LCA5: variants seen among roughly 807,000 people sequenced by gnomAD.
The protein encoded by LCA5 is lebercilin.
A neutral mutation model predicts 53.0 loss-of-function variants in LCA5; 37 were observed. The observed-to-expected ratio is 0.70, with a 90% CI of 0.54 to 0.92. The LOEUF is 0.92. Among genes scored for constraint, LCA5 ranks in the 40% least tolerant of loss-of-function variants. The pLI is 0.00. For synonymous variants in LCA5, 303 were observed against 282.9 expected (o/e 1.07, Z -0.71); for missense variants, 806 against 790.5 (o/e 1.02, Z -0.23).
chr6:79,516,700 A>G (rs773069961), intron 2 of LCA5, among the ~76,000 whole-genome samples: 4 of 151,992 alleles, frequency 2.6e-5, no homozygotes, highest in Non-Finnish European at 5.9e-5. Flanking sequence ...AATAAGAGTA[A>G]GAAGAAAGAT....
chr6:79,497,378 C>A (rs941725644), intron 3 of LCA5, among the ~76,000 whole-genome samples: 4 of 152,050 alleles, frequency 2.6e-5, no homozygotes, highest in East Asian at 1.9e-4. Context: ...GAAGGTCAGG[C>A]GACATCATGT....
intron 3 of LCA5, among the ~76,000 whole-genome samples, chr6:79,512,376 T>A (rs139645974): frequency 1.2e-3 from 184 of 152,094 alleles, no homozygotes; most frequent in Admixed American, 3.7e-3. Flanking sequence ...ATTTAATAAG[T>A]CCCCGTCCCT....
chr6:79,505,064 T>C (rs995728866), intron 3 of LCA5, among the ~76,000 whole-genome samples: 1 of 152,214 alleles, frequency 6.6e-6, no homozygotes. Context: ...TAATGTTTCA[T>C]TGTCTATCCT....
chr6:79,497,904 T>G (rs1158489590), intron 3 of LCA5, among the ~76,000 whole-genome samples: 1 of 130,428 alleles, frequency 7.7e-6, no homozygotes. Context: ...ACCCGGGAGG[T>G]GGAGGTTGCA....
At chr6:79,506,618 CA>C (rs1026352063) in intron 3 of LCA5, among the ~76,000 whole-genome samples, 1 of 152,148 alleles carries the variant, frequency 6.6e-6, no homozygotes, top group Non-Finnish European at 1.5e-5. Flanking sequence ...AAAGAAACTG[CA>C]TATTAGCCGA....
chr6:79,513,879 G>A lies in LCA5; in HGVS notation c.191-138C>T, dbSNP rs77897878. 5.0e-3 allele frequency: 3,999 copies of A among 803,094 alleles called. 106 individuals are homozygous for A. In the African/African-American group the frequency reaches 0.061, roughly 12 times the overall value. The allele number at this position is 803,094 out of a possible 1,614,324, so 49.7% of individuals were successfully genotyped here. ...AAAGGATTTTACAATATTTAGTAAA[G>A]TATCAAGTTTTATTTAGAGCTCTAA... On this transcript the variant is annotated intron_variant, in intron 2 of 7. Transcript: ENST00000369846.
chr6:79,534,426 T>C (rs1482768995), intron 1 of LCA5, among the ~76,000 whole-genome samples: 1 of 152,106 alleles, frequency 6.6e-6, no homozygotes, highest in Non-Finnish European at 1.5e-5. Context: ...CATTCATTTA[T>C]TCATTTATAA....
At position 79,510,421 on chromosome 6, in the gene LCA5, T is replaced by C. The variant is rs181418392; in HGVS notation, c.720+2791A>G. Among the ~76,000 whole-genome samples, 3 of 152,300 alleles carry C rather than the reference T, an allele frequency of 2.0e-5. No homozygotes were observed. The East Asian group carries it at 5.8e-4, about 29-fold the overall frequency. Reference sequence around the variant, plus strand: ...AACCATTTTATAAAACACCAAGTGGTACACCTTAAAAATAATCAATTTTTA... The same window carrying C: ...AACCATTTTATAAAACACCAAGTGGCACACCTTAAAAATAATCAATTTTTA... On this transcript the variant is annotated intron_variant, in intron 3 of 7. Coordinates refer to ENST00000369846, the MANE Select transcript of LCA5 (RefSeq NM_001122769.3).
chr6:79,529,667 C>A (rs141080994), intron 1 of LCA5, among the ~76,000 whole-genome samples: 6 of 151,982 alleles, frequency 3.9e-5, no homozygotes, highest in South Asian at 2.1e-4. Context: ...ATGTTTATTG[C>A]GGCACTACTC....
chr6:79,519,190 T>A (rs1766546641), intron 1 of LCA5, 105 bp from the exon 2 acceptor site: 1 of 400,622 alleles, frequency 2.5e-6, no homozygotes, highest in African/African-American at 2.0e-5. Context: ...TAGCTTACAA[T>A]TTTTAAAAGA....
intron 3 of LCA5, among the ~76,000 whole-genome samples, chr6:79,512,418 AT>A (rs140204244): frequency 0.018 from 2,705 of 152,226 alleles, 76 homozygotes; most frequent in African/African-American, 0.061. Flanking sequence ...GGCATGGCAT[AT>A]TATATAGAGT....
upstream of LCA5, among the ~76,000 whole-genome samples, chr6:79,538,559 T>C (rs1240932224): frequency 6.6e-6 from 1 of 152,222 alleles, no homozygotes; most frequent in African/African-American, 2.4e-5. Flanking sequence ...GGAATTACTT[T>C]TCATCAATTC....
chr6:79,489,215 T>A lies in LCA5; in HGVS notation c.1100A>T (p.Asp367Val), dbSNP rs777126326. Residue 367 changes from aspartate to valine, a missense_variant and splice_region_variant, in exon 7 of 8, where the codon GAC (aspartate) becomes GTC (valine). Transcript: ENST00000369846. The part of the protein sequence containing the change: ...KWEEPGHLTL[D>V]LQSQKQDRHG... Reference sequence around the variant, plus strand: ...CCTGTCTTGCTTTTGAGATTGCAAGTCCTATTATACGTTAAAAAAAATGCA... The same window carrying A: ...CCTGTCTTGCTTTTGAGATTGCAAGACCTATTATACGTTAAAAAAAATGCA... 3 of 1,610,890 alleles carry A rather than the reference T, an allele frequency of 1.9e-6. No homozygotes were observed. The highest frequency in any genetic ancestry group is 2.2e-5 in the East Asian group (1 of 44,826).
intron 1 of LCA5, among the ~76,000 whole-genome samples, chr6:79,529,686 A>G (rs1766898727): frequency 6.6e-6 from 1 of 152,058 alleles, no homozygotes; most frequent in African/African-American, 2.4e-5. Flanking sequence ...TCACAATAGC[A>G]AAGACTTGGA....
At chr6:79,536,189 G>A (rs16890833) in intron 1 of LCA5, among the ~76,000 whole-genome samples, 3,881 of 152,106 alleles carry the variant, frequency 0.026, 61 homozygotes, top group Middle Eastern at 0.071. Context: ...TGGTAATATA[G>A]AATTTAAATG....
upstream of LCA5, among the ~76,000 whole-genome samples, chr6:79,537,609 T>C (rs1014225159): frequency 5.9e-5 from 9 of 152,008 alleles, no homozygotes; most frequent in South Asian, 1.9e-3. Context: ...AGTAGGGAAA[T>C]TGGGGCAAAA....
upstream of LCA5, among the ~76,000 whole-genome samples, chr6:79,538,018 GTTTTTTTTTTTTTTTTTTTTT>G (rs869197362): frequency 1.1e-4 from 5 of 44,146 alleles, no homozygotes; most frequent in African/African-American, 2.3e-4. Flanking sequence ...TTGCACACAA[GTTTTTTTTTTTTTTTTTTTTT>G]TTTTTTTTTT....
At position 79,537,197 on chromosome 6, in the gene LCA5, G is replaced by A. The variant is rs891670644; in HGVS notation, c.-224C>T. 2 of 152,682 alleles carry A rather than the reference G, an allele frequency of 1.3e-5. No individual in the cohort carries two copies. Among genetic ancestry groups the A allele is most frequent in the Admixed American group, 1.3e-4 (2 of 15,290 alleles). The allele number at this position is 152,682 out of a possible 1,614,324, so 9.5% of individuals were successfully genotyped here. A position where few individuals can be genotyped will look rare whatever the true frequency, so the allele number is the denominator to read the frequency against. On this transcript the variant is annotated 5_prime_UTR_variant, in exon 1 of 8. Transcript: ENST00000369846. ...CCGCAGGCTCTTCAGCAGAGCCGAT[G>A]CGGCGTCCCGCCTCCTTGCCTTCCC...
intron 4 of LCA5, 56 bp downstream of exon 4, chr6:79,493,557 T>C: frequency 6.8e-7 from 1 of 1,468,588 alleles, no homozygotes; most frequent in Admixed American, 1.7e-5. Flanking sequence ...TGTTTTAAAA[T>C]ATTTAATTTT....
Sources: allele counts gnomAD v4.1 joint callset (sites outside exome capture counted in the v4.1 genomes callset), GRCh38; gene constraint gnomAD v4.1.1; transcripts MANE v1.5; gene names NCBI Gene and HGNC (gene_info 2026-07-23, HGNC 2026-07-21).